Variants in PSD2 observed in about 807,000 individuals in gnomAD.
The protein encoded by PSD2 is PH and SEC7 domain-containing protein 2.
In PSD2, 38 loss-of-function variants were observed where a neutral mutation model predicts 69.8. The observed-to-expected ratio is 0.54, with a 90% confidence interval of 0.42 to 0.71. PSD2 has a LOEUF of 0.71. PSD2 is among the 30% of genes least tolerant of loss of function. The pLI, the probability that PSD2 is intolerant of heterozygous loss-of-function variation, is 0.00. For missense variants in PSD2, 943 were observed against 1,014.5 expected (o/e 0.93, Z 0.96); for synonymous variants, 412 against 423.0 (o/e 0.97, Z 0.32).
chr5:139,782,613 C>T, the PSD2 span, among the ~76,000 whole-genome samples: 1 of 152,050 alleles, frequency 6.6e-6, no homozygotes, highest in African/African-American at 2.4e-5. Flanking sequence ...CTGCCTCAGC[C>T]TCCCAAGTAG....
upstream of PSD2, among the ~76,000 whole-genome samples, chr5:139,792,846 TTTTC>T (rs1443894989): frequency 8.7e-4 from 119 of 137,216 alleles, 1 homozygote; most frequent in African/African-American, 2.8e-3. Flanking sequence ...TTCTTTCTTT[TTTTC>T]TTTCTGTCTT....
chr5:139,766,935 TTC>T, the PSD2 span, among the ~76,000 whole-genome samples: 4 of 71,160 alleles, frequency 5.6e-5, no homozygotes, highest in Admixed American at 1.4e-4. Flanking sequence ...CTTCCCTTCT[TTC>T]TTTCTTTCTT....
intron 7 of PSD2, among the ~76,000 whole-genome samples, chr5:139,825,381 A>G (rs1380596919): frequency 1.3e-5 from 2 of 152,176 alleles, no homozygotes; most frequent in East Asian, 3.9e-4. Flanking sequence ...TTTCGTTTGA[A>G]CACCTGTTTT....
chr5:139,776,828 G>A, the PSD2 span, among the ~76,000 whole-genome samples: 1 of 152,192 alleles, frequency 6.6e-6, no homozygotes, highest in Middle Eastern at 3.4e-3. Flanking sequence ...GCACCTCAAA[G>A]AACCACAGTC....
the PSD2 span, among the ~76,000 whole-genome samples, chr5:139,748,907 T>G: frequency 1.2e-4 from 18 of 146,828 alleles, no homozygotes; most frequent in African/African-American, 2.0e-4. Context: ...TGGGGTATGT[T>G]GGGGGGGGTG....
At chr5:139,816,947 T>G (rs1008163106) in intron 4 of PSD2, among the ~76,000 whole-genome samples, 1 of 152,246 alleles carries the variant, frequency 6.6e-6, no homozygotes, top group African/African-American at 2.4e-5. Flanking sequence ...CTCCTTGTCT[T>G]GTGGATTCTG....
At chr5:139,830,614 CTT>C (rs1238763508) in intron 7 of PSD2, among the ~76,000 whole-genome samples, 24 of 89,768 alleles carry the variant, frequency 2.7e-4, no homozygotes, top group African/African-American at 1.2e-3. Flanking sequence ...CTTTCTCTTT[CTT>C]TCTTTCTTTC....
chr5:139,763,654 C>T, the PSD2 span, among the ~76,000 whole-genome samples: 16 of 152,336 alleles, frequency 1.1e-4, no homozygotes, highest in African/African-American at 2.4e-4. Context: ...CTGCTCCTCT[C>T]GGAATGGAGG....
the PSD2 span, among the ~76,000 whole-genome samples, chr5:139,789,581 AAAAAC>A: frequency 6.6e-6 from 1 of 152,210 alleles, no homozygotes; most frequent in Admixed American, 6.5e-5. Flanking sequence ...AAGAAAAACA[AAAAAC>A]AAAACAAAAC....
chr5:139,768,190 G>A, the PSD2 span, among the ~76,000 whole-genome samples: 11 of 152,240 alleles, frequency 7.2e-5, no homozygotes, highest in Non-Finnish European at 1.0e-4. Flanking sequence ...CAGCAGGAAG[G>A]AAGGAAGTGG....
chr5:139,760,732 G>T, the PSD2 span, among the ~76,000 whole-genome samples: 1 of 152,132 alleles, frequency 6.6e-6, no homozygotes, highest in African/African-American at 2.4e-5. Context: ...TAGATCCAGG[G>T]TGCACCCCAC....
chr5:139,796,507 G>A (rs964502924), intron 1 of PSD2, among the ~76,000 whole-genome samples: 6 of 152,224 alleles, frequency 3.9e-5, no homozygotes, highest in African/African-American at 1.4e-4. Flanking sequence ...AGGCCTCCCC[G>A]GCTCTGCAGC....
intron 7 of PSD2, among the ~76,000 whole-genome samples, chr5:139,823,148 C>A (rs552815250): frequency 2.0e-5 from 3 of 152,354 alleles, no homozygotes; most frequent in Admixed American, 2.0e-4. Flanking sequence ...AATCCCCGGC[C>A]CCTACCAGGC....
rs199837284 is a variant in PSD2 at position 139,842,352 on chromosome 5, C to T, written c.2194C>T (p.Arg732Trp). ...AGATGATCTGGAGCGGATTGAGGCC[C>T]GGCTGGCCACTCTGGAAGGGGATGA... ...GSDDLERIEA[R>W]LATLEGDDPS... The change falls in exon 15 of 15, where the codon CGG becomes TGG. Residue 732 changes from arginine to tryptophan, a missense_variant. Arg to Trp is a moderately radical substitution (Grantham distance 101). Around this residue, in one of 3 missense-constraint regions of PSD2, gnomAD observed 165 missense variants for 168.8 expected, o/e 0.98. Coordinates refer to ENST00000274710, the MANE Select transcript of PSD2 (RefSeq NM_032289.4). 20 of 1,614,060 alleles carry T rather than the reference C, an allele frequency of 1.2e-5. No homozygotes were observed. The highest frequency in any genetic ancestry group is 1.1e-4 in the African/African-American group (8 of 74,912).
chr5:139,830,626 C>CTTTCTCTTTCTTTCTT (rs58644184), intron 7 of PSD2, among the ~76,000 whole-genome samples: 46 of 97,676 alleles, frequency 4.7e-4, no homozygotes, highest in African/African-American at 2.2e-3. Flanking sequence ...TTCTTTCTTT[C>CTTTCTCTTTCTTTCTT]TCTTTCTTTC....
chr5:139,759,287 C>T, the PSD2 span, among the ~76,000 whole-genome samples: 1 of 152,002 alleles, frequency 6.6e-6, no homozygotes, highest in Non-Finnish European at 1.5e-5. Flanking sequence ...TTCCTAATTG[C>T]CACCGCCCGC....
At chr5:139,784,911 C>G in the PSD2 span, among the ~76,000 whole-genome samples, 4 of 151,910 alleles carry the variant, frequency 2.6e-5, no homozygotes, top group African/African-American at 9.7e-5. Context: ...TGCACCACCA[C>G]GCCTGGCTAA....
intron 1 of PSD2, among the ~76,000 whole-genome samples, chr5:139,808,382 A>G (rs1418441033): frequency 6.6e-6 from 1 of 152,146 alleles, no homozygotes; most frequent in East Asian, 1.9e-4. Context: ...GCTGGTCCCA[A>G]CCCATTTGAA....
chr5:139,830,313 C>T (rs1025935119), intron 7 of PSD2, among the ~76,000 whole-genome samples: 19 of 144,576 alleles, frequency 1.3e-4, no homozygotes, highest in Admixed American at 6.9e-5. Context: ...TTTTCTCACT[C>T]TGTGGGTTGT....
Sources: allele counts gnomAD v4.1 joint callset (sites outside exome capture counted in the v4.1 genomes callset), GRCh38; gene constraint gnomAD v4.1.1; regional missense constraint gnomAD v4.1.1; transcripts MANE v1.5; gene names NCBI Gene and HGNC (gene_info 2026-07-23, HGNC 2026-07-21).